The following CARD9 variants were observed in gnomAD, a reference collection of about 807,000 sequenced individuals.
CARD9 encodes caspase recruitment domain-containing protein 9.
A neutral mutation model predicts 66.0 loss-of-function variants in CARD9; 53 were observed. The ratio of observed to expected loss-of-function variants is 0.80; its 90% CI spans 0.64 to 1.01. The LOEUF (loss-of-function observed/expected upper bound fraction) is 1.01, where lower values mean the gene tolerates loss of function less well. CARD9 is among the 50% of genes least tolerant of loss of function. The pLI is 0.00. For synonymous variants in CARD9, 387 were observed against 313.8 expected (o/e 1.23, Z -2.47); for missense variants, 769 against 743.2 (o/e 1.03, Z -0.40).
Position 136,364,091 on chromosome 9 carries a change from AGCACCC to A in CARD9, c.*205_*210del. On this transcript the variant is annotated 3_prime_UTR_variant, in exon 13 of 13. Transcript: ENST00000371732. ...AGATGGCGTGTGCATGGGGGTGGTG[AGCACCC>A]GCATGGCCTCCGCAAAATGAGTGCC... is the stretch of plus-strand genomic sequence containing the variant. 1 of 1,550,426 alleles carries A rather than the reference AGCACCC, an allele frequency of 6.4e-7. No homozygotes were observed. Among genetic ancestry groups the A allele is most frequent in the Non-Finnish European group, 8.7e-7 (1 of 1,146,798 alleles).
chr9:136,371,075 C>G lies in CARD9; in HGVS notation c.393G>C (p.Gln131His). Reference protein sequence around the residue: ...TEVMKLQKKVQDLTALLSSKD... With the variant: ...TEVMKLQKKVHDLTALLSSKD... ...TGGAGCTCAGCAGCGCGGTCAGGTC[C>G]TGCACCTTCTTCTGCAGCTTCATGA... Residue 131 changes from glutamine to histidine, a missense_variant, in exon 4 of 13, where the codon CAG becomes CAC. Coordinates refer to ENST00000371732, the MANE Select transcript of CARD9 (RefSeq NM_052813.5). 2 of 1,612,738 alleles carry G rather than the reference C, an allele frequency of 1.2e-6. No individual in the cohort carries two copies. Among genetic ancestry groups the G allele is most frequent in the Non-Finnish European group, 1.7e-6 (2 of 1,179,954 alleles).
chr9:136,369,786 C>T lies in CARD9; in HGVS notation c.1041G>A (p.Leu347=). Residue 347 remains leucine, a synonymous_variant, in exon 7 of 13, where the codon CTG becomes CTA. Transcript: ENST00000371732. Reference sequence around the variant, plus strand: ...CAATGGCGACCTCCTCCATCTGCAGCAGGATGGCCTCGATGCGGTCCTTGT... The same window carrying T: ...CAATGGCGACCTCCTCCATCTGCAGTAGGATGGCCTCGATGCGGTCCTTGT... ...KMYKDRIEAI[L]LQMEEVAIER... 1 of 1,611,116 alleles carries T rather than the reference C, an allele frequency of 6.2e-7. No individual in the cohort carries two copies. Among genetic ancestry groups the T allele is most frequent in the Non-Finnish European group, 8.5e-7 (1 of 1,179,400 alleles).
intron 2 of CARD9, 45 bp from the exon 3 acceptor site, chr9:136,371,506 C>G: frequency 7.7e-7 from 1 of 1,294,302 alleles, no homozygotes; most frequent in Non-Finnish European, 1.1e-6. Flanking sequence ...ACAGGCGAGG[C>G]AGAGGGCTGG....
chr9:136,373,506 T>A lies in CARD9; in HGVS notation c.-17+26A>T, dbSNP rs964694706. ...GCCAACGCCAACCTTCCTGGCCACC[T>A]TTCAGAAAGCACCAGACCCACCCAC... On this transcript the variant is annotated intron_variant, in intron 1 of 12. Transcript: ENST00000371732. The A allele has an allele frequency of 4.1e-5, 40 of 985,512 alleles. No homozygotes were observed. In the African/African-American group the frequency reaches 6.6e-4, roughly 16 times the overall value. 61.0% of individuals were successfully genotyped at this position (985,512 alleles called of 1,614,324 possible). A position where few individuals can be genotyped will look rare whatever the true frequency, so the allele number is the denominator to read the frequency against.
chr9:136,364,625 C>G, intron 11 of CARD9, 66 bp from the exon 12 acceptor site: 1 of 1,442,232 alleles, frequency 6.9e-7, no homozygotes, highest in Non-Finnish European at 9.3e-7. Context: ...TCTCACCCGC[C>G]CCCCACTGGC....
At position 136,371,066 on chromosome 9, in the gene CARD9, GGTC is replaced by G; in HGVS notation, c.399_401del (p.Thr134del). Reference sequence around the variant, plus strand: ...AGTCATCTTTGGAGCTCAGCAGCGCGGTCAGGTCCTGCACCTTCTTCTGCAGCT... The same window carrying G: ...AGTCATCTTTGGAGCTCAGCAGCGCGAGGTCCTGCACCTTCTTCTGCAGCT... On this transcript the variant is annotated inframe_deletion, in exon 4 of 13. Coordinates refer to ENST00000371732, the MANE Select transcript of CARD9 (RefSeq NM_052813.5). 1 of 1,612,644 alleles carries G rather than the reference GGTC, an allele frequency of 6.2e-7. No individual in the cohort carries two copies. The highest frequency in any genetic ancestry group is 2.2e-5 in the East Asian group (1 of 44,864).
At chr9:136,365,353 G>T in intron 10 of CARD9, 136 bp from the exon 11 acceptor site, 1 of 781,662 alleles carries the variant, frequency 1.3e-6, no homozygotes, top group Non-Finnish European at 2.1e-6. Flanking sequence ...GTCCAGTGTA[G>T]ACTCTGCTTT....
intron 1 of CARD9, among the ~76,000 whole-genome samples, chr9:136,372,476 G>A (rs1056464567): frequency 2.0e-5 from 3 of 152,316 alleles, no homozygotes; most frequent in East Asian, 3.9e-4. Context: ...CTCCCATCAC[G>A]CCCTGGAGCC....
chr9:136,364,724 C>A, intron 11 of CARD9, 165 bp from the exon 12 acceptor site: 1 of 694,370 alleles, frequency 1.4e-6, no homozygotes, highest in South Asian at 1.9e-5. Context: ...GCCTGTACCC[C>A]TGGAGGTGAG....
intron 7 of CARD9, among the ~76,000 whole-genome samples, chr9:136,369,063 G>A (rs569653353): frequency 1.3e-5 from 2 of 152,198 alleles, no homozygotes; most frequent in Non-Finnish European, 1.5e-5. Flanking sequence ...CAAGTGAGCC[G>A]CCTGCCTCGC....
intron 2 of CARD9, 67 bp from the exon 3 acceptor site, chr9:136,371,528 C>CCCG: frequency 3.0e-5 from 21 of 690,186 alleles, no homozygotes; most frequent in Middle Eastern, 4.3e-4. Context: ...GTGGGTGGGC[C>CCCG]TGGGGGCAGG....
intron 1 of CARD9, 92 bp from the exon 2 acceptor site, chr9:136,372,186 T>C (rs1233183997): frequency 1.3e-6 from 2 of 1,530,184 alleles, no homozygotes; most frequent in Non-Finnish European, 1.8e-6. Context: ...GGGCCAGGGC[T>C]CTCGTCAGGG....
At position 136,366,770 on chromosome 9, in the gene CARD9, C is replaced by T. The variant is rs199743425; in HGVS notation, c.1357+30G>A. 4.4e-5 allele frequency: 71 copies of T among 1,612,510 alleles called. No homozygotes were observed. In the African/African-American group the frequency reaches 8.7e-4, roughly 20 times the overall value. On this transcript the variant is annotated intron_variant, in intron 10 of 12. Transcript: ENST00000371732. ...GGCCTCACTTGGGGAAGCTGGGAGG[C>T]CTCTGGGTGTACTGCTGTCCCCACC...
Position 136,371,442 on chromosome 9 carries a change from C to G in CARD9, c.204G>C (p.Leu68=), listed in dbSNP as rs905440543. The G allele has an allele frequency of 6.3e-7, 1 of 1,579,670 alleles. No homozygotes were observed. The highest frequency in any genetic ancestry group is 1.3e-5 in the African/African-American group (1 of 74,190). ...CGTAGCCCTTGTGGCCGGTCCGCTG[C>G]AGGATGTCCAGGAGCACACCTGCGG... ...KRKVGVLLDI[L]QRTGHKGYVA... is the part of the protein sequence containing the mutation. Residue 68 remains leucine, a synonymous_variant, in exon 3 of 13, where the codon CTG becomes CTC. Transcript: ENST00000371732.
intron 7 of CARD9, 53 bp from the exon 8 acceptor site, chr9:136,367,881 G>A: frequency 6.5e-7 from 1 of 1,544,698 alleles, no homozygotes; most frequent in Non-Finnish European, 8.7e-7. Flanking sequence ...GCTTGCCCTG[G>A]GCCCTCGGCC....
At chr9:136,365,555 C>T (rs1316256743) in intron 10 of CARD9, 2 of 374,806 alleles carry the variant, frequency 5.3e-6, no homozygotes, top group Non-Finnish European at 9.9e-6. Context: ...CGTCCCCCAT[C>T]ACTCCAAAGC....
chr9:136,364,438 C>T (rs745884696), intron 12 of CARD9, 37 bp from the exon 13 acceptor site: 1 of 1,541,586 alleles, frequency 6.5e-7, no homozygotes, highest in Non-Finnish European at 8.7e-7. Flanking sequence ...ACCCGGCTGC[C>T]GCTCCCCAGC....
At chr9:136,367,568 G>A in intron 8 of CARD9, 69 bp downstream of exon 8, 1 of 1,487,108 alleles carries the variant, frequency 6.7e-7, no homozygotes, top group Non-Finnish European at 9.0e-7. Flanking sequence ...CCGGGGCTGA[G>A]GCTCCGTGCT....
intron 3 of CARD9, 36 bp downstream of exon 3, chr9:136,371,288 G>A (rs1200973385): frequency 1.1e-5 from 17 of 1,586,062 alleles, no homozygotes; most frequent in East Asian, 4.6e-5. Flanking sequence ...CCCCGCCAGC[G>A]CCTCCCCTGT....
Sources: allele counts gnomAD v4.1 joint callset (sites outside exome capture counted in the v4.1 genomes callset), GRCh38; gene constraint gnomAD v4.1.1; transcripts MANE v1.5; gene names NCBI Gene and HGNC (gene_info 2026-07-23, HGNC 2026-07-21).